GPIHBP1: variants seen among roughly 807,000 people sequenced by gnomAD.
GPIHBP1 encodes glycosylphosphatidylinositol anchored high density lipoprotein binding protein 1, also known as glycosylphosphatidylinositol-anchored high density lipoprotein-binding protein 1.
GPIHBP1 carries 11 observed loss-of-function variants against 13.0 expected under a neutral mutation model. The observed-to-expected ratio is 0.84, with a 90% CI of 0.53 to 1.40. The LOEUF (loss-of-function observed/expected upper bound fraction) is 1.40, where lower values mean the gene tolerates loss of function less well. Among genes scored for constraint, GPIHBP1 ranks in the 40% most tolerant of loss-of-function variants. The pLI, the probability that GPIHBP1 is intolerant of heterozygous loss-of-function variation, is 0.00. For missense variants in GPIHBP1, 231 were observed against 241.1 expected, an observed-to-expected ratio of 0.96 and a Z score of 0.28; for synonymous variants, 106 against 102.2, an observed-to-expected ratio of 1.04 and a Z score of -0.22.
chr8:143,213,720 A>T lies in GPIHBP1; in HGVS notation c.53-102A>T. Reference sequence around the variant, plus strand: ...TCCCCAGCCACCCTGGGGCCCGAGGATGGCTGGGGAGGGCCAAGGAGTTGG... The same window carrying T: ...TCCCCAGCCACCCTGGGGCCCGAGGTTGGCTGGGGAGGGCCAAGGAGTTGG... On this transcript the variant is annotated intron_variant, in intron 1 of 3. Transcript: ENST00000622500. The T allele has an allele frequency of 3.3e-6, 5 of 1,513,602 alleles. No individual in the cohort carries two copies. The South Asian group carries it at 4.8e-5, about 15-fold the overall frequency. The allele number at this position is 1,513,602 out of a possible 1,614,324, so 93.8% of individuals were successfully genotyped here.
At position 143,213,260 on chromosome 8, in the gene GPIHBP1, C is replaced by T; in HGVS notation, c.-8C>T. 6.3e-7 allele frequency: 1 copy of T among 1,592,546 alleles called. No individual in the cohort carries two copies. Among genetic ancestry groups the T allele is most frequent in the Non-Finnish European group, 8.5e-7 (1 of 1,173,762 alleles). ...CTCAGAGTCAGGGACACAGCAGCGT[C>T]CGGCGAGATGAAGGCGCTCGGGGCT... is the stretch of plus-strand genomic sequence containing the variant. On this transcript the variant is annotated 5_prime_UTR_variant, in exon 1 of 4. Coordinates refer to ENST00000622500, the MANE Select transcript of GPIHBP1 (RefSeq NM_178172.6).
In GPIHBP1 at chr8:143,215,627, T is replaced by G. The variant is rs1816296501; in HGVS notation, c.*109T>G. 4 of 990,392 alleles carry G rather than the reference T, an allele frequency of 4.0e-6. No individual in the cohort carries two copies. The Admixed American group carries it at 7.7e-5, about 19-fold the overall frequency. The allele number at this position is 990,392 out of a possible 1,614,324, so 61.4% of individuals were successfully genotyped here. On this transcript the variant is annotated 3_prime_UTR_variant, in exon 4 of 4. Coordinates refer to ENST00000622500, the MANE Select transcript of GPIHBP1 (RefSeq NM_178172.6). ...CCAGCTTTGGAGAATGGATTTGGAG[T>G]GTCTTGGGCGATCCAGCCAGCGCAG...
At position 143,213,336 on chromosome 8, in the gene GPIHBP1, A is replaced by G. The variant is rs1421807091; in HGVS notation, c.52+17A>G. 1.9e-6 allele frequency: 3 copies of G among 1,586,726 alleles called. No homozygotes were observed. In the South Asian group the frequency reaches 3.4e-5, roughly 18 times the overall value. ...GGCGGCCAGGTGCGGGGCAAAGGGT[A>G]ACCCTGCGGTGAGGGGGCAGCAACA... is the stretch of plus-strand genomic sequence containing the variant. On this transcript the variant is annotated intron_variant, in intron 1 of 3. Transcript: ENST00000622500.
In GPIHBP1 at chr8:143,214,649, G is replaced by A. The variant is rs372776511; in HGVS notation, c.182-364G>A. On this transcript the variant is annotated intron_variant, in intron 2 of 3. Coordinates refer to ENST00000622500, the MANE Select transcript of GPIHBP1 (RefSeq NM_178172.6). The surrounding 1 kb of genome is among the most constrained non-coding windows in gnomAD (Gnocchi z 4.1). ...CACGAGCCCTGCCCCACACACCCAC[G>A]AGGTGTCCCCTGTGAGGCCCTCCTC... Among the ~76,000 whole-genome samples the A allele has an allele frequency of 4.0e-5, 6 of 151,750 alleles. No individual in the cohort carries two copies. The highest frequency in any genetic ancestry group is 9.7e-5 in the African/African-American group (4 of 41,262).
chr8:143,213,748 G>T, intron 1 of GPIHBP1, 74 bp from the exon 2 acceptor site: 1 of 1,558,600 alleles, frequency 6.4e-7, no homozygotes, highest in Non-Finnish European at 8.7e-7. Context: ...GGAGTTGGGG[G>T]CACGATGCTT....
rs1439667518 is a variant in GPIHBP1 at position 143,215,482 on chromosome 8, T to C, written c.519T>C (p.Leu173=). ...TVGAALLLNL[L]AGLGAMGARR... ...GCGCAGCCCTCCTGCTCAACCTCCT[T>C]GCCGGCCTTGGAGCAATGGGGGCCA... Residue 173 remains leucine, a synonymous_variant, in exon 4 of 4, where the codon CTT becomes CTC. Transcript: ENST00000622500. The C allele has an allele frequency of 2.5e-6, 4 of 1,610,614 alleles. No homozygotes were observed. In the South Asian group the frequency reaches 4.4e-5, roughly 18 times the overall value.
Position 143,213,229 on chromosome 8 carries a change from G to T in GPIHBP1, c.-39G>T. On this transcript the variant is annotated 5_prime_UTR_variant, in exon 1 of 4. Coordinates refer to ENST00000622500, the MANE Select transcript of GPIHBP1 (RefSeq NM_178172.6). Reference sequence around the variant, plus strand: ...CTTACCGCAGCTCCAGAGCCCTGCGGGAGGACTCAGAGTCAGGGACACAGC... The same window carrying T: ...CTTACCGCAGCTCCAGAGCCCTGCGTGAGGACTCAGAGTCAGGGACACAGC... 1.3e-6 allele frequency: 2 copies of T among 1,570,900 alleles called. No individual in the cohort carries two copies. Among genetic ancestry groups the T allele is most frequent in the Non-Finnish European group, 8.6e-7 (1 of 1,160,036 alleles).
At chr8:143,213,405 CTTAGGA>C in intron 1 of GPIHBP1, 86 bp downstream of exon 1, 1 of 1,160,666 alleles carries the variant, frequency 8.6e-7, no homozygotes. Context: ...CCAGCAGGGG[CTTAGGA>C]AGAAGGAGGG....
In GPIHBP1 at chr8:143,214,797, C is replaced by G. The variant is rs1816275320; in HGVS notation, c.182-216C>G. ...GAGTGATGATGGGAAGTTCGCCCTG[C>G]CTGACCCGCAATCCCTTGCCCCCTA... is the stretch of plus-strand genomic sequence containing the variant. On this transcript the variant is annotated intron_variant, in intron 2 of 3. Coordinates refer to ENST00000622500, the MANE Select transcript of GPIHBP1 (RefSeq NM_178172.6). The surrounding 1 kb of genome is among the most constrained non-coding windows in gnomAD (Gnocchi z 4.1). 6.6e-6 allele frequency among the ~76,000 whole-genome samples: 1 copy of G among 152,222 alleles called. No individual in the cohort carries two copies. Among genetic ancestry groups the G allele is most frequent in the South Asian group, 2.1e-4 (1 of 4,836 alleles).
chr8:143,215,344 C>T lies in GPIHBP1; in HGVS notation c.381C>T (p.Thr127=), dbSNP rs778853798. The T allele has an allele frequency of 6.2e-7, 1 of 1,612,886 alleles. No homozygotes were observed. Among genetic ancestry groups the T allele is most frequent in the Non-Finnish European group, 8.5e-7 (1 of 1,180,004 alleles). The change falls in exon 4 of 4, where the codon ACC becomes ACT. Residue 127 remains threonine (T), a synonymous_variant. Coordinates refer to ENST00000622500, the MANE Select transcript of GPIHBP1 (RefSeq NM_178172.6). The part of the protein sequence containing the change: ...ITKTVEGTQV[T]MTCCQSSLCN... ...AGACGGTGGAGGGGACCCAGGTGACCATGACCTGCTGCCAGTCCAGCCTGT... is the reference window on the plus strand; with the variant it reads ...AGACGGTGGAGGGGACCCAGGTGACTATGACCTGCTGCCAGTCCAGCCTGT...
At chr8:143,213,989 T>C (rs961989799) in intron 2 of GPIHBP1, 39 bp downstream of exon 2, 24 of 1,548,128 alleles carry the variant, frequency 1.6e-5, no homozygotes, top group African/African-American at 5.5e-5. Flanking sequence ...CTGCCTGATC[T>C]GCCTGGAGCA....
At position 143,213,233 on chromosome 8, in the gene GPIHBP1, G is replaced by T; in HGVS notation, c.-35G>T. ...CCGCAGCTCCAGAGCCCTGCGGGAG[G>T]ACTCAGAGTCAGGGACACAGCAGCG... On this transcript the variant is annotated 5_prime_UTR_variant, in exon 1 of 4. Transcript: ENST00000622500. 2 of 1,576,476 alleles carry T rather than the reference G, an allele frequency of 1.3e-6. No individual in the cohort carries two copies. Among genetic ancestry groups the T allele is most frequent in the Non-Finnish European group, 1.7e-6 (2 of 1,164,118 alleles).
At position 143,214,519 on chromosome 8, in the gene GPIHBP1, C is replaced by T. The variant is rs1816270314; in HGVS notation, c.182-494C>T. Among the ~76,000 whole-genome samples the T allele has an allele frequency of 6.7e-6, 1 of 148,794 alleles. No individual in the cohort carries two copies. On this transcript the variant is annotated intron_variant, in intron 2 of 3. Coordinates refer to ENST00000622500, the MANE Select transcript of GPIHBP1 (RefSeq NM_178172.6). This position sits in a 1 kb window ranked among gnomAD's most constrained non-coding sequence, Gnocchi z 4.1. ...GGGCCGGCCCCTCCCTAGCCAGGGA[C>T]CACAGCGTGCCCCACCACACACAGC...
intron 1 of GPIHBP1, 37 bp from the exon 2 acceptor site, chr8:143,213,785 G>C: frequency 6.4e-7 from 1 of 1,571,206 alleles, no homozygotes. Flanking sequence ...CTCCATACCC[G>C]GGTAGCTGAG....
At position 143,214,101 on chromosome 8, in the gene GPIHBP1, C is replaced by T; in HGVS notation, c.181+151C>T. The T allele has an allele frequency of 2.9e-6, 3 of 1,045,778 alleles. No homozygotes were observed. The highest frequency in any genetic ancestry group is 4.3e-6 in the Non-Finnish European group (3 of 702,094). 64.8% of individuals were successfully genotyped at this position (1,045,778 alleles called of 1,614,324 possible). On this transcript the variant is annotated intron_variant, in intron 2 of 3. Transcript: ENST00000622500. This position sits in a 1 kb window ranked among gnomAD's most constrained non-coding sequence, Gnocchi z 4.1. The stretch of plus-strand genomic sequence containing the variant: ...ACTCAGTACACCCCTCACTGCTGCT[C>T]ACCATGACACTCAGTTGCCTTCCAG...
Position 143,215,044 on chromosome 8 carries a change from G to A in GPIHBP1, c.213G>A (p.Leu71=). The A allele has an allele frequency of 6.3e-7, 1 of 1,598,490 alleles. No individual in the cohort carries two copies. ...VLLRCYTCKS[L]PRDERCNLTQ... is the part of the protein sequence containing the mutation. Reference sequence around the variant, plus strand: ...TGCGGTGCTACACCTGCAAGTCCCTGCCCAGGGACGAGCGCTGCAACCTGA... The same window carrying A: ...TGCGGTGCTACACCTGCAAGTCCCTACCCAGGGACGAGCGCTGCAACCTGA... The change falls in exon 3 of 4, where the codon CTG becomes CTA. Residue 71 remains leucine (L), a synonymous_variant. Coordinates refer to ENST00000622500, the MANE Select transcript of GPIHBP1 (RefSeq NM_178172.6).
chr8:143,215,204 G>T (rs1816285489), intron 3 of GPIHBP1, 55 bp from the exon 4 acceptor site: 4 of 1,612,436 alleles, frequency 2.5e-6, no homozygotes, highest in Non-Finnish European at 3.4e-6. Context: ...GCCCTGCAGA[G>T]CCACCTCAGA....
In GPIHBP1 at chr8:143,215,791, A is replaced by G; in HGVS notation, c.*273A>G. On this transcript the variant is annotated 3_prime_UTR_variant, in exon 4 of 4. Transcript: ENST00000622500. Reference sequence around the variant, plus strand: ...CCACGCCCCAGGACCTGCAGCCCTCATGGGGGCTGGGGATCCCCATCAGCA... The same window carrying G: ...CCACGCCCCAGGACCTGCAGCCCTCGTGGGGGCTGGGGATCCCCATCAGCA... 2 of 555,040 alleles carry G rather than the reference A, an allele frequency of 3.6e-6. No homozygotes were observed. Among genetic ancestry groups the G allele is most frequent in the East Asian group, 3.0e-5 (1 of 33,664 alleles). The allele number at this position is 555,040 out of a possible 1,614,324, so 34.4% of individuals were successfully genotyped here. A position where few individuals can be genotyped will look rare whatever the true frequency, so the allele number is the denominator to read the frequency against.
chr8:143,213,375 ACAGGGACCTC>A (rs1277219231), intron 1 of GPIHBP1, 56 bp downstream of exon 1: 4 of 1,421,058 alleles, frequency 2.8e-6, no homozygotes, highest in South Asian at 2.4e-5. Flanking sequence ...GTCCTGGAGC[ACAGGGACCTC>A]CAGGGACCCC....
Sources: gnomAD v4.1 joint callset for allele counts (sites outside exome capture counted in the v4.1 genomes callset) on GRCh38, gnomAD v4.1.1 for gene constraint, Gnocchi (gnomAD v3.1) non-coding constraint, MANE v1.5 for transcripts, NCBI Gene and HGNC (gene_info 2026-07-23, HGNC 2026-07-21) for gene names.